The following TBC1D5 variants were observed in gnomAD, a reference collection of about 807,000 sequenced individuals.
TBC1D5 encodes TBC1 domain family member 5.
A neutral mutation model predicts 100.3 loss-of-function variants in TBC1D5; 75 were observed. The observed-to-expected ratio is 0.75, with a 90% confidence interval of 0.62 to 0.91. The LOEUF (loss-of-function observed/expected upper bound fraction) is 0.91, where lower values mean the gene tolerates loss of function less well. Ranked by LOEUF, TBC1D5 falls within the 40% of genes least tolerant of loss-of-function variation. The probability of loss-of-function intolerance (pLI) is 0.00; values close to 1 mark genes in which losing one functional copy is unlikely to be tolerated. For missense variants in TBC1D5, 910 were observed against 942.4 expected (o/e 0.97, Z 0.45); for synonymous variants, 323 against 325.6 (o/e 0.99, Z 0.09).
chr3:17,487,906 A>G (rs1576311555), intron 3 of TBC1D5, among the ~76,000 whole-genome samples: 1 of 152,350 alleles, frequency 6.6e-6, no homozygotes, highest in Admixed American at 6.5e-5. Flanking sequence ...ACTCTACCAC[A>G]CAAACACAGT....
intron 16 of TBC1D5, among the ~76,000 whole-genome samples, chr3:17,253,267 T>A (rs2077326882): frequency 6.6e-6 from 1 of 152,212 alleles, no homozygotes; most frequent in African/African-American, 2.4e-5. Flanking sequence ...TCCATGGTTA[T>A]CAGTATTAGT....
At chr3:17,393,186 C>T (rs2093407018) in intron 8 of TBC1D5, among the ~76,000 whole-genome samples, 1 of 151,670 alleles carries the variant, frequency 6.6e-6, no homozygotes, top group Non-Finnish European at 1.5e-5. Flanking sequence ...TCATATCCTT[C>T]ACCCCATTTT....
intron 1 of TBC1D5, among the ~76,000 whole-genome samples, chr3:17,703,854 A>C (rs1287446933): frequency 6.6e-6 from 1 of 151,696 alleles, no homozygotes; most frequent in African/African-American, 2.4e-5. Context: ...ACTCTACAAT[A>C]TCTCACTAAA....
chr3:17,656,683 CAGG>C (rs1314536561), intron 1 of TBC1D5, among the ~76,000 whole-genome samples: 2 of 152,162 alleles, frequency 1.3e-5, no homozygotes, highest in Non-Finnish European at 2.9e-5. Flanking sequence ...TCCTACTCTT[CAGG>C]AGTTCATTCC....
At chr3:17,275,604 G>C (rs572720592) in intron 15 of TBC1D5, among the ~76,000 whole-genome samples, 2 of 152,258 alleles carry the variant, frequency 1.3e-5, no homozygotes, top group South Asian at 2.1e-4. Flanking sequence ...AGCAAGACTT[G>C]ATTATATCCC....
chr3:17,185,171 C>A (rs2068881975), exon 19 of TBC1D5: 1 of 1,613,266 alleles, frequency 6.2e-7, no homozygotes, highest in Admixed American at 1.7e-5. Flanking sequence ...ATTCAACTGC[C>A]CTTGAAGGAA....
intron 17 of TBC1D5, among the ~76,000 whole-genome samples, chr3:17,219,742 A>C (rs2126080296): frequency 6.6e-6 from 1 of 152,178 alleles, no homozygotes; most frequent in Non-Finnish European, 1.5e-5. Context: ...GTAGAGCTCG[A>C]AAGAGGGTGA....
At chr3:17,249,400 T>C (rs965237092) in intron 16 of TBC1D5, among the ~76,000 whole-genome samples, 30 of 152,370 alleles carry the variant, frequency 2.0e-4, no homozygotes, top group African/African-American at 6.5e-4. Flanking sequence ...ATAGGGTTAT[T>C]AATTGGCCTA....
intron 19 of TBC1D5, among the ~76,000 whole-genome samples, chr3:17,176,538 A>G (rs2067750027): frequency 6.6e-6 from 1 of 152,218 alleles, no homozygotes; most frequent in African/African-American, 2.4e-5. Context: ...TTCTCAGCAA[A>G]CTAACACAGG....
intron 19 of TBC1D5, among the ~76,000 whole-genome samples, chr3:17,171,963 G>C (rs1403223980): frequency 6.6e-6 from 1 of 152,112 alleles, no homozygotes; most frequent in Non-Finnish European, 1.5e-5. Flanking sequence ...CCAAGAAGAG[G>C]GAAGAACTCA....
intron 2 of TBC1D5, among the ~76,000 whole-genome samples, chr3:17,552,643 A>G (rs188641714): frequency 6.6e-6 from 1 of 152,264 alleles, no homozygotes; most frequent in African/African-American, 2.4e-5. Context: ...AAATAAACAA[A>G]TATAAAAACA....
intron 2 of TBC1D5, among the ~76,000 whole-genome samples, chr3:17,555,733 A>G (rs111569892): frequency 2.2e-4 from 33 of 152,336 alleles, no homozygotes; most frequent in African/African-American, 7.9e-4. Context: ...ATGTGATGCT[A>G]TACTACAATC....
intron 3 of TBC1D5, among the ~76,000 whole-genome samples, chr3:17,484,457 T>A (rs757120230): frequency 1.9e-5 from 1 of 53,222 alleles, no homozygotes; most frequent in African/African-American, 7.4e-5. Context: ...AACACCAGGG[T>A]GTGTGTGTGT....
intron 8 of TBC1D5, among the ~76,000 whole-genome samples, chr3:17,401,818 T>C (rs576197091): frequency 6.6e-6 from 1 of 152,270 alleles, no homozygotes; most frequent in South Asian, 2.1e-4. Flanking sequence ...GCACATTTTG[T>C]TTTTAAAAGG....
intron 2 of TBC1D5, among the ~76,000 whole-genome samples, chr3:17,530,349 TG>T (rs1267457445): frequency 6.6e-6 from 1 of 151,236 alleles, no homozygotes. Context: ...GATGGGGGGT[TG>T]GGGGGTGGTT....
At chr3:17,428,883 A>G (rs986134170) in intron 3 of TBC1D5, among the ~76,000 whole-genome samples, 4 of 152,002 alleles carry the variant, frequency 2.6e-5, no homozygotes, top group Non-Finnish European at 5.9e-5. Context: ...GATCAGTGGC[A>G]CTGTCAAAAG....
In TBC1D5 at chr3:17,588,299, C is replaced by CA. The variant is rs909737101; in HGVS notation, c.-36+35549dup. Among the ~76,000 whole-genome samples, 16 of 145,032 alleles carry CA rather than the reference C, an allele frequency of 1.1e-4. No individual in the cohort carries two copies. The South Asian group carries it at 2.2e-3, about 20-fold the overall frequency. On this transcript the variant is annotated intron_variant, in intron 2 of 21. Transcript: ENST00000253692. ...ACACTATGGGCAGAATTAGGAAACA[C>CA]AAAAAAAATCTCTACAGTAAGACTA...
At chr3:17,453,120 T>C (rs2094967974) in intron 3 of TBC1D5, among the ~76,000 whole-genome samples, 1 of 144,732 alleles carries the variant, frequency 6.9e-6, no homozygotes, top group South Asian at 2.2e-4. Flanking sequence ...AAACAAATGA[T>C]AATGGAAACA....
intron 1 of TBC1D5, among the ~76,000 whole-genome samples, chr3:17,701,346 G>C (rs891389173): frequency 6.6e-6 from 1 of 152,118 alleles, no homozygotes; most frequent in Non-Finnish European, 1.5e-5. Flanking sequence ...GGCTGGAGGA[G>C]AGATAGCATT....
Sources: gnomAD v4.1 joint callset for allele counts (sites outside exome capture counted in the v4.1 genomes callset) on GRCh38, gnomAD v4.1.1 for gene constraint, MANE v1.5 for transcripts, NCBI Gene and HGNC (gene_info 2026-07-23, HGNC 2026-07-21) for gene names.